Variants in THOP1 observed in about 807,000 individuals in gnomAD.
THOP1 encodes the protein thimet oligopeptidase 1.
THOP1 carries 49 observed loss-of-function variants against 71.8 expected under a neutral mutation model. That is an observed-to-expected ratio of 0.68 (90% CI 0.54 to 0.87). The LOEUF is 0.87. Ranked by LOEUF, THOP1 falls within the 40% of genes least tolerant of loss-of-function variation. THOP1 has a pLI of 0.00. For missense variants in THOP1, 843 were observed against 975.6 expected, an observed-to-expected ratio of 0.86 and a Z score of 1.81; for synonymous variants, 426 against 421.5, an observed-to-expected ratio of 1.01 and a Z score of -0.13.
chr19:2,785,770 A>AC, intron 1 of THOP1, 92 bp downstream of exon 1: 2 of 1,216,474 alleles, frequency 1.6e-6, no homozygotes, highest in Non-Finnish European at 1.0e-6. Flanking sequence ...GAGCGAAGCG[A>AC]CCCCCGAGCC....
chr19:2,800,044 G>C (rs976623874), intron 5 of THOP1, among the ~76,000 whole-genome samples: 2 of 152,234 alleles, frequency 1.3e-5, no homozygotes, highest in Non-Finnish European at 2.9e-5. Context: ...ATTCCACCCT[G>C]ATAGAAAATG....
chr19:2,805,268 G>T lies in THOP1; in HGVS notation c.750+92G>T. The T allele has an allele frequency of 7.1e-7, 1 of 1,409,626 alleles. No individual in the cohort carries two copies. Among genetic ancestry groups the T allele is most frequent in the Non-Finnish European group, 9.4e-7 (1 of 1,058,716 alleles). The allele number at this position is 1,409,626 out of a possible 1,614,324, so 87.3% of individuals were successfully genotyped here. On this transcript the variant is annotated intron_variant, in intron 6 of 12. Transcript: ENST00000307741. The surrounding 1 kb of genome is among the most constrained non-coding windows in gnomAD (Gnocchi z 6.6). ...TGTGTGTGAGGCACCTCCAGGCTTT[G>T]CACTTGGATGGCCTCCCAATCTCCC...
chr19:2,795,000 T>A, intron 3 of THOP1, 88 bp downstream of exon 3: 1 of 1,491,408 alleles, frequency 6.7e-7, no homozygotes, highest in Non-Finnish European at 9.1e-7. Flanking sequence ...ATTTTTGTAT[T>A]TTTAGTAGAG....
At chr19:2,794,255 T>C (rs1442743303) in intron 2 of THOP1, among the ~76,000 whole-genome samples, 1 of 152,152 alleles carries the variant, frequency 6.6e-6, no homozygotes, top group African/African-American at 2.4e-5. Flanking sequence ...CCTCAAGTGA[T>C]CTGCCTGCCT....
Position 2,805,178 on chromosome 19 carries a change from T to C in THOP1, c.750+2T>C, listed in dbSNP as rs773781786. On this transcript the variant is annotated splice_donor_variant, in intron 6 of 12. Coordinates refer to ENST00000307741, the MANE Select transcript of THOP1 (RefSeq NM_003249.5). LOFTEE classifies it high-confidence loss of function. The surrounding 1 kb of genome is among the most constrained non-coding windows in gnomAD (Gnocchi z 6.6). ...GCCTTCAACTGCCGGTGCAAGGAGG[T>C]GAGAAGGCACGGCCAGGGGGCCCCA... is the stretch of plus-strand genomic sequence containing the variant. The C allele has an allele frequency of 2.5e-6, 4 of 1,610,296 alleles. No homozygotes were observed. The highest frequency in any genetic ancestry group is 3.3e-5 in the Admixed American group (2 of 59,742).
chr19:2,797,586 G>A (rs376816866), intron 4 of THOP1, among the ~76,000 whole-genome samples: 3 of 152,234 alleles, frequency 2.0e-5, no homozygotes, highest in Non-Finnish European at 2.9e-5. Flanking sequence ...CTTTGCCTTC[G>A]GCGATCTCAC....
chr19:2,787,331 G>A (rs941410), intron 1 of THOP1, among the ~76,000 whole-genome samples: 68,556 of 152,062 alleles, frequency 0.45, 18,087 homozygotes, highest in African/African-American at 0.73. Context: ...AATAATGATA[G>A]TCAGGGATAT....
At chr19:2,802,835 G>T (rs984624662) in intron 5 of THOP1, among the ~76,000 whole-genome samples, 17 of 152,334 alleles carry the variant, frequency 1.1e-4, no homozygotes, top group African/African-American at 4.1e-4. Context: ...CTGTCCGTGT[G>T]CATGAGGCTT....
Position 2,811,683 on chromosome 19 carries a change from C to T in THOP1, c.1857C>T (p.Ser619=). 1 of 1,613,424 alleles carries T rather than the reference C, an allele frequency of 6.2e-7. No homozygotes were observed. Among genetic ancestry groups the T allele is most frequent in the Non-Finnish European group, 8.5e-7 (1 of 1,179,920 alleles). The change falls in exon 12 of 13, where the codon TCC becomes TCT. Residue 619 remains serine (S), a synonymous_variant. Transcript: ENST00000307741. ...YYGYLWSEVY[S]MDMFHTRFKQ... is the part of the protein sequence containing the mutation. ...GGTACCTGTGGAGCGAGGTGTATTC[C>T]ATGGACATGTTCCACACGCGCTTCA...
At chr19:2,789,347 CAT>C (rs112305728) in intron 1 of THOP1, among the ~76,000 whole-genome samples, 6 of 152,360 alleles carry the variant, frequency 3.9e-5, no homozygotes, top group East Asian at 1.9e-4. Context: ...ACTGACTTCA[CAT>C]AGTCGCCCTT....
rs17849270 is a variant in THOP1 at position 2,810,749 on chromosome 19, C to T, written c.1752C>T (p.Leu584=). ...EEYARLCQEI[L]GVPATPGTNM... Reference sequence around the variant, plus strand: ...ATGCGCGGCTCTGCCAGGAGATCCTCGGGGTCCCGGCCACGCCAGGTAGCC... The same window carrying T: ...ATGCGCGGCTCTGCCAGGAGATCCTTGGGGTCCCGGCCACGCCAGGTAGCC... Residue 584 remains leucine (L), a synonymous_variant, in exon 11 of 13, where the codon CTC becomes CTT. Transcript: ENST00000307741. The T allele has an allele frequency of 4.9e-5, 79 of 1,601,562 alleles. No homozygotes were observed. Among genetic ancestry groups the T allele is most frequent in the Admixed American group, 1.5e-4 (9 of 59,062 alleles).
chr19:2,810,273 G>A (rs1916423277), intron 9 of THOP1, 31 bp from the exon 10 acceptor site: 2 of 1,602,752 alleles, frequency 1.2e-6, no homozygotes, highest in Non-Finnish European at 1.7e-6. Context: ...GCAGGACCTG[G>A]GCACTCTGAG....
Position 2,813,520 on chromosome 19 carries a change from C to T in THOP1, c.*244C>T, listed in dbSNP as rs1403264310. The T allele has an allele frequency of 1.9e-5, 9 of 483,890 alleles. No individual in the cohort carries two copies. The highest frequency in any genetic ancestry group is 8.2e-5 in the South Asian group (2 of 24,420). The allele number at this position is 483,890 out of a possible 1,614,324, so 30.0% of individuals were successfully genotyped here. A position where few individuals can be genotyped will look rare whatever the true frequency, so the allele number is the denominator to read the frequency against. On this transcript the variant is annotated 3_prime_UTR_variant, in exon 13 of 13. Transcript: ENST00000307741. ...GGGCCTGGTCTTTGTTGCACTAACACGTCTCCTCTCTGGGAAACGTCCCTT... is the reference window on the plus strand; with the variant it reads ...GGGCCTGGTCTTTGTTGCACTAACATGTCTCCTCTCTGGGAAACGTCCCTT...
chr19:2,805,231 C>T lies in THOP1; in HGVS notation c.750+55C>T. 3.2e-6 allele frequency: 5 copies of T among 1,553,120 alleles called. No homozygotes were observed. The highest frequency in any genetic ancestry group is 1.8e-4 in the Middle Eastern group (1 of 5,578). On this transcript the variant is annotated intron_variant, in intron 6 of 12. Coordinates refer to ENST00000307741, the MANE Select transcript of THOP1 (RefSeq NM_003249.5). This position sits in a 1 kb window ranked among gnomAD's most constrained non-coding sequence, Gnocchi z 6.6. The stretch of plus-strand genomic sequence containing the variant: ...ACAGTGGGTCTGGAGCTTGTGGGGC[C>T]CGTCTGCTCCATGTGTGTGAGGCAC...
chr19:2,798,399 A>G (rs1056440740), intron 4 of THOP1, among the ~76,000 whole-genome samples: 1 of 152,166 alleles, frequency 6.6e-6, no homozygotes, highest in African/African-American at 2.4e-5. Flanking sequence ...AGAAGCCACA[A>G]ACTCTCCCAC....
intron 2 of THOP1, among the ~76,000 whole-genome samples, chr19:2,793,879 T>C (rs1452706871): frequency 1.3e-5 from 2 of 152,144 alleles, no homozygotes; most frequent in African/African-American, 4.8e-5. Flanking sequence ...GGACCTTTTG[T>C]CAATTGTGAA....
chr19:2,796,056 A>T, intron 3 of THOP1, 25 bp from the exon 4 acceptor site: 1 of 1,594,816 alleles, frequency 6.3e-7, no homozygotes, highest in Non-Finnish European at 8.6e-7. Flanking sequence ...CCCACGTCCT[A>T]CATGCTTTGA....
intron 2 of THOP1, among the ~76,000 whole-genome samples, chr19:2,791,417 C>A (rs565200826): frequency 1.2e-3 from 179 of 152,218 alleles, no homozygotes; most frequent in Middle Eastern, 3.4e-3. Context: ...TCCAAGGCAT[C>A]CCCTGAAAGG....
intron 8 of THOP1, 194 bp from the exon 9 acceptor site, chr19:2,808,049 A>C: frequency 1.3e-6 from 1 of 751,982 alleles, no homozygotes. Flanking sequence ...CCTTTAGGGG[A>C]GGGATGGCAG....
Sources: allele counts gnomAD v4.1 joint callset (sites outside exome capture counted in the v4.1 genomes callset), GRCh38; gene constraint gnomAD v4.1.1; non-coding constraint Gnocchi (gnomAD v3.1); transcripts MANE v1.5; gene names NCBI Gene and HGNC (gene_info 2026-07-23, HGNC 2026-07-21).